The following DPY19L4 variants were observed in gnomAD, a reference collection of about 807,000 sequenced individuals.
The protein encoded by DPY19L4 is dpy-19 like 4, also known as probable C-mannosyltransferase DPY19L4.
DPY19L4 carries 97 observed loss-of-function variants against 102.8 expected under a neutral mutation model. The ratio of observed to expected loss-of-function variants is 0.94; its 90% CI spans 0.80 to 1.12. The LOEUF (loss-of-function observed/expected upper bound fraction) is 1.12. Among genes scored for constraint, DPY19L4 ranks in the 50% most tolerant of loss-of-function variants. DPY19L4 has a pLI of 0.00. For synonymous variants in DPY19L4, 252 were observed against 283.1 expected (o/e 0.89, Z 1.10); for missense variants, 815 against 850.4 (o/e 0.96, Z 0.52).
chr8:94,749,349 T>A (rs1811818768), intron 6 of DPY19L4, among the ~76,000 whole-genome samples: 1 of 152,028 alleles, frequency 6.6e-6, no homozygotes, highest in Non-Finnish European at 1.5e-5. Context: ...TGCAAAGAAA[T>A]CAACATTGAG....
chr8:94,769,053 A>T (rs1359618496), intron 12 of DPY19L4, among the ~76,000 whole-genome samples: 3 of 144,892 alleles, frequency 2.1e-5, no homozygotes, highest in African/African-American at 2.5e-5. Flanking sequence ...ATTTAAACTT[A>T]GTTTTTTTGT....
chr8:94,739,233 G>T (rs530382756), intron 4 of DPY19L4, among the ~76,000 whole-genome samples, 180 bp from the exon 5 acceptor site: 1 of 152,142 alleles, frequency 6.6e-6, no homozygotes, highest in Admixed American at 6.5e-5. Flanking sequence ...GTGGGGATTT[G>T]TCTCAGGATA....
intron 2 of DPY19L4, among the ~76,000 whole-genome samples, chr8:94,727,640 C>T (rs1359400365): frequency 6.6e-6 from 1 of 152,178 alleles, no homozygotes; most frequent in Non-Finnish European, 1.5e-5. Flanking sequence ...TCCAAATTTC[C>T]ACTCCAACAG....
chr8:94,763,718 G>A (rs545705540), intron 8 of DPY19L4, among the ~76,000 whole-genome samples: 149 of 151,840 alleles, frequency 9.8e-4, no homozygotes, highest in African/African-American at 3.4e-3. Flanking sequence ...TAGAGAATGA[G>A]TTTCATCATG....
intron 2 of DPY19L4, among the ~76,000 whole-genome samples, chr8:94,732,061 G>A (rs559200728): frequency 1.3e-5 from 2 of 152,154 alleles, no homozygotes; most frequent in South Asian, 2.1e-4. Flanking sequence ...GTGAGCCACC[G>A]TGCCCGGCCT....
At chr8:94,774,572 CTTCT>C (rs1382955994) in intron 13 of DPY19L4, among the ~76,000 whole-genome samples, 1 of 149,278 alleles carries the variant, frequency 6.7e-6, no homozygotes, top group African/African-American at 2.5e-5. Flanking sequence ...TGACTTTCCA[CTTCT>C]TTCTTTTTTT....
At chr8:94,728,277 C>G (rs938347640) in intron 2 of DPY19L4, among the ~76,000 whole-genome samples, 2 of 152,258 alleles carry the variant, frequency 1.3e-5, no homozygotes, top group Non-Finnish European at 2.9e-5. Flanking sequence ...TCCCCCCACT[C>G]TCAGTATACA....
chr8:94,726,899 T>G (rs769096288), intron 2 of DPY19L4, among the ~76,000 whole-genome samples: 2 of 152,178 alleles, frequency 1.3e-5, no homozygotes, highest in Non-Finnish European at 2.9e-5. Context: ...TATATAAGAT[T>G]TTTAAAGGGA....
intron 8 of DPY19L4, among the ~76,000 whole-genome samples, chr8:94,764,705 ATATATATATATATTTTTTTTTT>A (rs1812572358): frequency 1.8e-5 from 1 of 55,952 alleles, no homozygotes. Context: ...ATATATATAT[ATATATATATATATTTTTTTTTT>A]TTTTTTTTTT....
At chr8:94,775,439 T>C in intron 13 of DPY19L4, among the ~76,000 whole-genome samples, 1 of 152,220 alleles carries the variant, frequency 6.6e-6, no homozygotes, top group Non-Finnish European at 1.5e-5. Flanking sequence ...CCCAAAGTGC[T>C]GGGATTACAG....
chr8:94,768,451 AT>A lies in DPY19L4; in HGVS notation c.1239del (p.Leu414CysfsTer3). On this transcript the variant is annotated frameshift_variant, in exon 12 of 19. Coordinates refer to ENST00000414645, the MANE Select transcript of DPY19L4 (RefSeq NM_181787.3). LOFTEE classifies it high-confidence loss of function. The part of the protein sequence containing the change: ...CQESLQAPSQ[D>X]FFLRLTQSSL... ...GAATCCCTGCAGGCACCATCTCAAG[AT>A]TTTTTTCTGCGATTGACACAGTCTT... 2 of 1,609,390 alleles carry A rather than the reference AT, an allele frequency of 1.2e-6. No homozygotes were observed. Among genetic ancestry groups the A allele is most frequent in the Non-Finnish European group, 1.7e-6 (2 of 1,178,448 alleles).
chr8:94,745,633 A>G (rs1281078541), intron 6 of DPY19L4, among the ~76,000 whole-genome samples: 1 of 152,138 alleles, frequency 6.6e-6, no homozygotes, highest in African/African-American at 2.4e-5. Context: ...GCTGGTGGAG[A>G]TATAAGTTTT....
intron 6 of DPY19L4, among the ~76,000 whole-genome samples, chr8:94,753,904 G>A (rs766686388): frequency 2.0e-5 from 3 of 151,942 alleles, no homozygotes; most frequent in Non-Finnish European, 2.9e-5. Flanking sequence ...TTGTGCTACC[G>A]GGCGTGGTAG....
In DPY19L4 at chr8:94,783,279, G is replaced by C. The variant is rs552301228; in HGVS notation, c.1716-391G>C. On this transcript the variant is annotated intron_variant, in intron 16 of 18. Coordinates refer to ENST00000414645, the MANE Select transcript of DPY19L4 (RefSeq NM_181787.3). ...ATTTGGAAGAAGCTGGGTTGTAGGTGGTTAATTTGCAAAAGATGGAGTTGA... is the reference window on the plus strand; with the variant it reads ...ATTTGGAAGAAGCTGGGTTGTAGGTCGTTAATTTGCAAAAGATGGAGTTGA... 4.0e-5 allele frequency among the ~76,000 whole-genome samples: 6 copies of C among 150,710 alleles called. No homozygotes were observed. In the South Asian group the frequency reaches 1.0e-3, roughly 26 times the overall value.
intron 16 of DPY19L4, among the ~76,000 whole-genome samples, chr8:94,782,239 T>C (rs1453022956): frequency 6.6e-6 from 1 of 152,186 alleles, no homozygotes; most frequent in Non-Finnish European, 1.5e-5. Context: ...CTGGATAGTC[T>C]AGGGTTGGCT....
chr8:94,746,305 C>T (rs1811672721), intron 6 of DPY19L4, among the ~76,000 whole-genome samples: 1 of 151,986 alleles, frequency 6.6e-6, no homozygotes, highest in African/African-American at 2.4e-5. Flanking sequence ...AGGCGATTCA[C>T]CTGCCTTGGC....
intron 12 of DPY19L4, among the ~76,000 whole-genome samples, chr8:94,769,042 A>G (rs1358447079): frequency 6.6e-6 from 1 of 150,980 alleles, no homozygotes; most frequent in East Asian, 1.9e-4. Flanking sequence ...TGACCAGAAA[A>G]ATTTAAACTT....
At chr8:94,759,768 A>C (rs1812324425) in intron 7 of DPY19L4, among the ~76,000 whole-genome samples, 1 of 147,064 alleles carries the variant, frequency 6.8e-6, no homozygotes, top group African/African-American at 2.5e-5. Context: ...CTCCCAAAGT[A>C]CTGGGATTAC....
chr8:94,770,499 G>C lies in DPY19L4; in HGVS notation c.1382G>C (p.Gly461Ala), dbSNP rs1460787040. The C allele has an allele frequency of 2.5e-6, 4 of 1,613,860 alleles. No homozygotes were observed. Among genetic ancestry groups the C allele is most frequent in the Non-Finnish European group, 3.4e-6 (4 of 1,179,904 alleles). ...ETVTLEDGRIGERPEIIYHVI... is the reference protein window; with the variant it reads ...ETVTLEDGRIAERPEIIYHVI... Reference sequence around the variant, plus strand: ...GTTACTCTTGAAGATGGACGAATTGGAGAAAGACCAGAAATAATTTATCAT... The same window carrying C: ...GTTACTCTTGAAGATGGACGAATTGCAGAAAGACCAGAAATAATTTATCAT... The change falls in exon 13 of 19, where the codon GGA becomes GCA. Residue 461 changes from glycine (G) to alanine (A), a missense_variant. By Grantham distance (60) the Gly-to-Ala change is moderately conservative. Transcript: ENST00000414645.
Sources: gnomAD v4.1 joint callset for allele counts (sites outside exome capture counted in the v4.1 genomes callset) on GRCh38, gnomAD v4.1.1 for gene constraint, MANE v1.5 for transcripts, NCBI Gene and HGNC (gene_info 2026-07-23, HGNC 2026-07-21) for gene names.